PRKG1: variants seen among roughly 807,000 people sequenced by gnomAD.
PRKG1 encodes the protein cGMP-dependent protein kinase 1.
Under a neutral mutation model 88.1 loss-of-function variants are expected in PRKG1, and 35 were observed. The observed-to-expected ratio is 0.40, with a 90% CI of 0.30 to 0.53. The LOEUF (loss-of-function observed/expected upper bound fraction) is 0.53. Ranked by LOEUF, PRKG1 falls within the 20% of genes least tolerant of loss-of-function variation. The probability of loss-of-function intolerance (pLI) is 0.59; values close to 1 mark genes in which losing one functional copy is unlikely to be tolerated. For missense variants in PRKG1, 540 were observed against 839.8 expected (o/e 0.64, Z 4.41); for synonymous variants, 303 against 292.5 (o/e 1.04, Z -0.37).
Position 51,467,814 on chromosome 10 carries a change from T to C in PRKG1, c.570T>C (p.Cys190=), listed in dbSNP as rs1277664864. ...GGGAATTGGCTATTCTTTACAACTG[T>C]ACCCGGACAGCGACCGTCAAGAGTA... The part of the protein sequence containing the change: ...VFGELAILYN[C]TRTATVKTLV... Residue 190 remains cysteine (C), a synonymous_variant, in exon 3 of 18, where the codon TGT becomes TGC. Coordinates refer to ENST00000373980, the MANE Select transcript of PRKG1 (RefSeq NM_006258.4). The C allele has an allele frequency of 2.0e-5, 33 of 1,612,506 alleles. No individual in the cohort carries two copies. Among genetic ancestry groups the C allele is most frequent in the Non-Finnish European group, 2.7e-5 (32 of 1,178,728 alleles).
intron 3 of PRKG1, among the ~76,000 whole-genome samples, chr10:51,796,207 A>C (rs2132593628): frequency 6.6e-6 from 1 of 152,228 alleles, no homozygotes; most frequent in African/African-American, 2.4e-5. Context: ...ATCTGTTATG[A>C]GTGTTGTTAT....
At chr10:51,960,316 T>G (rs750986639) in intron 5 of PRKG1, among the ~76,000 whole-genome samples, 8 of 152,086 alleles carry the variant, frequency 5.3e-5, no homozygotes, top group Non-Finnish European at 1.2e-4. Flanking sequence ...ATTGACTAGA[T>G]GTGAAACTGG....
chr10:52,080,702 A>G (rs1846750179), intron 7 of PRKG1, among the ~76,000 whole-genome samples: 1 of 152,186 alleles, frequency 6.6e-6, no homozygotes, highest in Non-Finnish European at 1.5e-5. Context: ...TGTATCATAC[A>G]AAAACATTGA....
chr10:51,963,215 T>G (rs139488324), intron 5 of PRKG1, among the ~76,000 whole-genome samples: 1 of 152,276 alleles, frequency 6.6e-6, no homozygotes, highest in East Asian at 1.9e-4. Flanking sequence ...TGTATTGAAA[T>G]CACTAGCTAC....
At chr10:52,108,162 A>G (rs1354841463) in intron 7 of PRKG1, among the ~76,000 whole-genome samples, 1 of 152,154 alleles carries the variant, frequency 6.6e-6, no homozygotes, top group Non-Finnish European at 1.5e-5. Context: ...GAATACAAAT[A>G]TTGACTCCAG....
At chr10:51,075,996 G>A (rs1213958615) in intron 1 of PRKG1, among the ~76,000 whole-genome samples, 1 of 152,168 alleles carries the variant, frequency 6.6e-6, no homozygotes, top group Non-Finnish European at 1.5e-5. Context: ...TGGCTGGATG[G>A]CACGTGTTAC....
chr10:52,050,728 TTA>T (rs1374311951), intron 5 of PRKG1, among the ~76,000 whole-genome samples: 1 of 152,150 alleles, frequency 6.6e-6, no homozygotes, highest in Non-Finnish European at 1.5e-5. Context: ...AAACAGATAT[TTA>T]TATGACAAGT....
In PRKG1 at chr10:51,274,346, C is replaced by T. The variant is rs75738408; in HGVS notation, c.478+121016C>T. 6.1e-3 allele frequency among the ~76,000 whole-genome samples: 923 copies of T among 152,216 alleles called. 9 individuals carry two copies. Among genetic ancestry groups the T allele is most frequent in the African/African-American group, 0.02 (845 of 41,526 alleles). ...TATATCACCTTATAACTTTCATGTC[C>T]ACTGAAAGTTGCAATTTGGCTTTGA... On this transcript the variant is annotated intron_variant, in intron 2 of 17. Coordinates refer to ENST00000373980, the MANE Select transcript of PRKG1 (RefSeq NM_006258.4).
At chr10:51,292,757 G>A (rs1840617189) in intron 2 of PRKG1, among the ~76,000 whole-genome samples, 1 of 152,002 alleles carries the variant, frequency 6.6e-6, no homozygotes, top group African/African-American at 2.4e-5. Flanking sequence ...GGGTGTCTAC[G>A]CACCTTATAT....
At chr10:51,099,556 C>T (rs1237689934) in intron 1 of PRKG1, among the ~76,000 whole-genome samples, 1 of 152,050 alleles carries the variant, frequency 6.6e-6, no homozygotes, top group Non-Finnish European at 1.5e-5. Flanking sequence ...GTGTTCCTAA[C>T]TTGAAATACT....
intron 3 of PRKG1, among the ~76,000 whole-genome samples, chr10:51,543,250 A>T (rs1842357905): frequency 6.6e-6 from 1 of 152,196 alleles, no homozygotes; most frequent in Admixed American, 6.6e-5. Flanking sequence ...CATCTATAAA[A>T]CAATAAAGAG....
chr10:51,694,146 A>G (rs1841221850), intron 3 of PRKG1, among the ~76,000 whole-genome samples: 1 of 152,192 alleles, frequency 6.6e-6, no homozygotes, highest in East Asian at 1.9e-4. Context: ...AAGCAGTGAG[A>G]GACTGACATT....
intron 2 of PRKG1, among the ~76,000 whole-genome samples, chr10:51,197,775 C>T (rs1564634835): frequency 6.6e-6 from 1 of 150,998 alleles, no homozygotes; most frequent in African/African-American, 2.4e-5. Context: ...AAATAGTTAA[C>T]AAAGGAGCAG....
rs990400808 is a variant in PRKG1, at chr10:51,262,336, G to A, written c.478+109006G>A. Among the ~76,000 whole-genome samples, 8 of 152,158 alleles carry A rather than the reference G, an allele frequency of 5.3e-5. No homozygotes were observed. The South Asian group carries it at 8.3e-4, about 16-fold the overall frequency. On this transcript the variant is annotated intron_variant, in intron 2 of 17. Transcript: ENST00000373980. ...CATATCTGTGAGCCACATGTGACCC[G>A]AGGATCACCGATCATCAAATTCTTG...
At chr10:51,560,644 T>C (rs1434561489) in intron 3 of PRKG1, among the ~76,000 whole-genome samples, 4 of 152,108 alleles carry the variant, frequency 2.6e-5, no homozygotes, top group Non-Finnish European at 5.9e-5. Flanking sequence ...TTTAATTAAC[T>C]GAAGTTCAGT....
chr10:51,423,451 C>T (rs1315187807), intron 2 of PRKG1, among the ~76,000 whole-genome samples: 1 of 152,146 alleles, frequency 6.6e-6, no homozygotes, highest in Non-Finnish European at 1.5e-5. Flanking sequence ...TCTATCCTGT[C>T]TCCTTTTCCC....
chr10:51,564,287 T>C (rs1837545278), intron 3 of PRKG1, among the ~76,000 whole-genome samples: 1 of 152,046 alleles, frequency 6.6e-6, no homozygotes, highest in Non-Finnish European at 1.5e-5. Context: ...AGACAATTGA[T>C]AAAATATATA....
At chr10:52,239,265 T>TAC (rs1016387150) in intron 9 of PRKG1, among the ~76,000 whole-genome samples, 1 of 143,716 alleles carries the variant, frequency 7.0e-6, no homozygotes, top group Non-Finnish European at 1.5e-5. Flanking sequence ...GGCACATGTA[T>TAC]ACATATGTAA....
chr10:51,927,475 C>T (rs1842603670), intron 5 of PRKG1, among the ~76,000 whole-genome samples: 1 of 152,062 alleles, frequency 6.6e-6, no homozygotes, highest in African/African-American at 2.4e-5. Flanking sequence ...TGGACTAATA[C>T]AATAGGGAAG....
Sources: gnomAD v4.1 joint callset for allele counts (sites outside exome capture counted in the v4.1 genomes callset) on GRCh38, gnomAD v4.1.1 for gene constraint, MANE v1.5 for transcripts, NCBI Gene and HGNC (gene_info 2026-07-23, HGNC 2026-07-21) for gene names.